The following PCDHA8 variants were observed in gnomAD, a reference collection of about 807,000 sequenced individuals.
PCDHA8 encodes protocadherin alpha-8.
In PCDHA8, 53 loss-of-function variants were observed where a neutral mutation model predicts 61.8. The observed-to-expected ratio is 0.86, with a 90% CI of 0.69 to 1.08. The LOEUF is 1.08. PCDHA8 is among the 50% of genes least tolerant of loss of function. PCDHA8 has a pLI of 0.00. For missense variants in PCDHA8, 1,293 were observed against 1,245.0 expected (o/e 1.04, Z -0.58); for synonymous variants, 618 against 556.6 (o/e 1.11, Z -1.55).
intron 1 of PCDHA8, among the ~76,000 whole-genome samples, chr5:140,908,828 A>C (rs1490004627): frequency 6.6e-6 from 1 of 152,176 alleles, no homozygotes; most frequent in Non-Finnish European, 1.5e-5. Context: ...GTTACTCGAT[A>C]AATGGGCTGG....
intron 1 of PCDHA8, chr5:140,876,689 C>T: frequency 1.2e-6 from 2 of 1,614,228 alleles, no homozygotes; most frequent in Middle Eastern, 1.6e-4. Context: ...AATTACTACT[C>T]GTTGGTGCTG....
intron 1 of PCDHA8, among the ~76,000 whole-genome samples, chr5:140,944,308 C>T (rs1385219466): frequency 6.6e-6 from 1 of 152,138 alleles, no homozygotes; most frequent in Non-Finnish European, 1.5e-5. Context: ...CTACCTCAGC[C>T]TCCTGAGTAG....
intron 1 of PCDHA8, among the ~76,000 whole-genome samples, chr5:140,954,401 A>G (rs567522525): frequency 2.0e-4 from 31 of 152,300 alleles, no homozygotes; most frequent in Middle Eastern, 3.4e-3. Flanking sequence ...AACCCCACCA[A>G]CAGGGTAAAG....
chr5:140,852,859 C>T, intron 1 of PCDHA8: 1 of 960,834 alleles, frequency 1.0e-6, no homozygotes. Context: ...TAAGCATTTA[C>T]TATGTCATCA....
At chr5:141,002,610 C>T (rs1191320958) in intron 3 of PCDHA8, among the ~76,000 whole-genome samples, 1 of 152,200 alleles carries the variant, frequency 6.6e-6, no homozygotes, top group Non-Finnish European at 1.5e-5. Context: ...ATAAAACAGA[C>T]ACATAACACA....
rs2150379326 is a variant in PCDHA8, at chr5:140,845,496, G to C, written c.2394+1781G>C. ...GGGGTTGTGCTTTCACAGTGAGAAA[G>C]TCTAAACCTATTTCTTGTACATTAA... On this transcript the variant is annotated intron_variant, in intron 1 of 3. Transcript: ENST00000531613. Among the ~76,000 whole-genome samples, 24 of 149,650 alleles carry C rather than the reference G, an allele frequency of 1.6e-4. 3 individuals are homozygous for C. Among genetic ancestry groups the C allele is most frequent in the Non-Finnish European group, 3.4e-4 (23 of 66,862 alleles).
intron 1 of PCDHA8, chr5:140,930,288 T>A (rs2086713135): frequency 6.6e-6 from 1 of 152,212 alleles, no homozygotes; most frequent in African/African-American, 2.4e-5. Context: ...CAAATACACT[T>A]AACAAATAAG....
At chr5:140,852,881 A>G in intron 1 of PCDHA8, 1 of 940,356 alleles carries the variant, frequency 1.1e-6, no homozygotes, top group Non-Finnish European at 1.3e-6. Flanking sequence ...TAATCATAAA[A>G]CGTATTTTTT....
Position 140,869,207 on chromosome 5 carries a change from T to C in PCDHA8, c.2394+25492T>C, listed in dbSNP as rs781925229. ...GGGAGCGGCCAGCTCCACTACTCCG[T>C]CTCGGAGGAGGCCAAACACGGCACC... On this transcript the variant is annotated intron_variant, in intron 1 of 3. Transcript: ENST00000531613. 3.7e-6 allele frequency: 6 copies of C among 1,613,842 alleles called. No homozygotes were observed. The African/African-American group carries it at 5.3e-5, about 14-fold the overall frequency.
chr5:140,911,885 A>T (rs1242639819), intron 1 of PCDHA8, among the ~76,000 whole-genome samples: 1 of 152,216 alleles, frequency 6.6e-6, no homozygotes, highest in Non-Finnish European at 1.5e-5. Flanking sequence ...TCCTGGGACC[A>T]AAATCTGTAT....
chr5:140,847,202 C>A (rs1780900949), intron 1 of PCDHA8, among the ~76,000 whole-genome samples: 1 of 149,570 alleles, frequency 6.7e-6, no homozygotes, highest in Non-Finnish European at 1.5e-5. Flanking sequence ...AATTTGGCCA[C>A]TCTTTAGAAT....
At chr5:140,921,500 A>G (rs2080246724) in intron 1 of PCDHA8, among the ~76,000 whole-genome samples, 1 of 152,210 alleles carries the variant, frequency 6.6e-6, no homozygotes, top group Admixed American at 6.5e-5. Context: ...AGTTTATTAG[A>G]TAGTGCCTAA....
intron 1 of PCDHA8, among the ~76,000 whole-genome samples, chr5:140,933,480 G>A (rs1255769578): frequency 6.6e-6 from 1 of 151,846 alleles, no homozygotes; most frequent in East Asian, 1.9e-4. Context: ...ACACATTATG[G>A]TTATTCTTTA....
chr5:140,993,293 A>T (rs1445204823), intron 3 of PCDHA8, among the ~76,000 whole-genome samples: 1 of 152,062 alleles, frequency 6.6e-6, no homozygotes, highest in Non-Finnish European at 1.5e-5. Context: ...CAGGGTCACA[A>T]CCTTGCCTCC....
At chr5:141,004,952 C>T (rs543938360) in intron 3 of PCDHA8, among the ~76,000 whole-genome samples, 52 of 152,346 alleles carry the variant, frequency 3.4e-4, no homozygotes, top group African/African-American at 1.2e-3. Context: ...TACCCTCTCT[C>T]GTCACTGCCT....
intron 1 of PCDHA8, chr5:140,884,365 CT>C (rs1264541175): frequency 6.2e-7 from 1 of 1,613,846 alleles, no homozygotes; most frequent in Non-Finnish European, 8.5e-7. Context: ...TCAATGTTTA[CT>C]TGATCATTGC....
chr5:140,871,008 C>A lies in PCDHA8; in HGVS notation c.2394+27293C>A, dbSNP rs782247452. Reference sequence around the variant, plus strand: ...CGGGCGAGATAAGCACAACGCGTGCCCTGGACGAGGCAGACTCGCCGCGCC... The same window carrying A: ...CGGGCGAGATAAGCACAACGCGTGCACTGGACGAGGCAGACTCGCCGCGCC... On this transcript the variant is annotated intron_variant, in intron 1 of 3. Transcript: ENST00000531613. The A allele has an allele frequency of 5.6e-6, 9 of 1,613,284 alleles. No homozygotes were observed. The African/African-American group carries it at 1.1e-4, about 19-fold the overall frequency.
rs781814200 is a variant in PCDHA8, at chr5:140,841,819, C to G, written c.498C>G (p.Ser166=). The change falls in exon 1 of 4, where the codon TCC becomes TCG. Residue 166 remains serine (S), a synonymous_variant. Transcript: ENST00000531613. ...CCGATGCAGATGTTGGAGCTAACTC[C>G]GTGTTAACCTACAGGCTTAGCTCTC... The part of the protein sequence containing the change: ...GASDADVGAN[S]VLTYRLSSHD... 3 of 1,613,874 alleles carry G rather than the reference C, an allele frequency of 1.9e-6. No individual in the cohort carries two copies. The highest frequency in any genetic ancestry group is 2.5e-6 in the Non-Finnish European group (3 of 1,179,854).
intron 1 of PCDHA8, chr5:140,870,294 G>A (rs1554164013): frequency 3.1e-6 from 5 of 1,614,192 alleles, no homozygotes; most frequent in Non-Finnish European, 3.4e-6. Flanking sequence ...TCAAGCTGGT[G>A]TCCACCTTCA....
Sources: allele counts gnomAD v4.1 joint callset (sites outside exome capture counted in the v4.1 genomes callset), GRCh38; gene constraint gnomAD v4.1.1; transcripts MANE v1.5; gene names NCBI Gene and HGNC (gene_info 2026-07-23, HGNC 2026-07-21).